MMP26: variants seen among roughly 807,000 people sequenced by gnomAD.
The protein encoded by MMP26 is matrix metallopeptidase 26.
A neutral mutation model predicts 31.0 loss-of-function variants in MMP26; 33 were observed. That is an observed-to-expected ratio of 1.06 (90% confidence interval 0.81 to 1.42). The LOEUF (loss-of-function observed/expected upper bound fraction) is 1.42. Among genes scored for constraint, MMP26 ranks in the 40% most tolerant of loss-of-function variants. The pLI is 0.00. For synonymous variants in MMP26, 122 were observed against 114.9 expected (o/e 1.06, Z -0.40); for missense variants, 347 against 316.1 (o/e 1.10, Z -0.74).
At chr11:4,796,824 C>A (rs562964377) in intron 2 of MMP26, among the ~76,000 whole-genome samples, 1 of 152,166 alleles carries the variant, frequency 6.6e-6, no homozygotes, top group Non-Finnish European at 1.5e-5. Flanking sequence ...AATCTCAGCC[C>A]TAATGTCCAG....
intron 2 of MMP26, chr11:4,821,184 G>A: frequency 1.9e-6 from 1 of 527,844 alleles, no homozygotes; most frequent in Non-Finnish European, 3.3e-6. Flanking sequence ...ATATACTTAA[G>A]AAAATTTGAT....
rs768491278 is a variant in MMP26 at position 4,991,373 on chromosome 11, C to T, written c.472C>T (p.His158Tyr). The change falls in exon 6 of 8, where the codon CAT (histidine) becomes TAT (tyrosine). Residue 158 changes from histidine (H) to tyrosine (Y), a missense_variant and splice_region_variant. Transcript: ENST00000380390. ...ATCATAGCTTCTGTCGTCCACAGCC[C>T]ATGAAGATGGTTGGCCCTTTGATGG... is the stretch of plus-strand genomic sequence containing the variant. ...DIKVSFWQWAHEDGWPFDGPG... is the reference protein window; with the variant it reads ...DIKVSFWQWAYEDGWPFDGPG... 2 of 1,612,654 alleles carry T rather than the reference C, an allele frequency of 1.2e-6. No homozygotes were observed. The highest frequency in any genetic ancestry group is 4.5e-5 in the East Asian group (2 of 44,846).
intron 2 of MMP26, among the ~76,000 whole-genome samples, chr11:4,853,974 T>C (rs1333934669): frequency 6.6e-6 from 1 of 152,258 alleles, no homozygotes; most frequent in Admixed American, 6.5e-5. Context: ...GTTGGTTTTG[T>C]ATTTCAACAT....
At chr11:4,880,843 T>C (rs886516812) in intron 2 of MMP26, among the ~76,000 whole-genome samples, 2 of 152,116 alleles carry the variant, frequency 1.3e-5, no homozygotes, top group African/African-American at 2.4e-5. Context: ...GGAAATATAA[T>C]TCAGTGTTAA....
chr11:4,731,052 C>T (rs905978045), intron 1 of MMP26, among the ~76,000 whole-genome samples: 4 of 152,166 alleles, frequency 2.6e-5, no homozygotes, highest in African/African-American at 9.7e-5. Flanking sequence ...TCAAGTGATT[C>T]TCCTGCCTCA....
chr11:4,814,228 G>A (rs7945484), intron 2 of MMP26, among the ~76,000 whole-genome samples: 60,783 of 151,872 alleles, frequency 0.4, 13,443 homozygotes, highest in South Asian at 0.56. Flanking sequence ...CCTTTTGAGC[G>A]AGCAATTTCA....
chr11:4,977,970 C>A (rs1846760661), intron 2 of MMP26, among the ~76,000 whole-genome samples: 1 of 151,944 alleles, frequency 6.6e-6, no homozygotes, highest in South Asian at 2.1e-4. Flanking sequence ...AGGGAAAGAC[C>A]TGGTGGGAGG....
chr11:4,795,862 G>A (rs1302816935), intron 2 of MMP26, among the ~76,000 whole-genome samples: 2 of 151,904 alleles, frequency 1.3e-5, no homozygotes, highest in Non-Finnish European at 2.9e-5. Context: ...GAGAGAGAGA[G>A]AGAGAGAGAC....
At chr11:4,963,843 G>C (rs1229369292) in intron 2 of MMP26, among the ~76,000 whole-genome samples, 1 of 152,108 alleles carries the variant, frequency 6.6e-6, no homozygotes. Context: ...TCGTGGTTTT[G>C]ATTTGCATTT....
At position 4,856,782 on chromosome 11, in the gene MMP26, C is replaced by A. The variant is rs190615516; in HGVS notation, c.-145+89441C>A. Among the ~76,000 whole-genome samples, 79 of 152,292 alleles carry A rather than the reference C, an allele frequency of 5.2e-4. 1 individual carries two copies. In the East Asian group the frequency reaches 0.014, roughly 27 times the overall value. On this transcript the variant is annotated intron_variant, in intron 2 of 7. Transcript: ENST00000380390. ...AACAGAATACACATTCTTCTCAGCA[C>A]CACGTCGCACTTATTCCAAAATTGA...
In MMP26 at chr11:4,704,961, C is replaced by G. The variant is rs1393694330; in HGVS notation, c.-301C>G. The G allele has an allele frequency of 6.6e-6, 1 of 152,148 alleles. No homozygotes were observed. Among genetic ancestry groups the G allele is most frequent in the Non-Finnish European group, 1.5e-5 (1 of 68,042 alleles). The allele number at this position is 152,148 out of a possible 1,614,324, so 9.4% of individuals were successfully genotyped here. On this transcript the variant is annotated 5_prime_UTR_variant, in exon 1 of 8. Coordinates refer to ENST00000380390, the MANE Select transcript of MMP26 (RefSeq NM_021801.5). The stretch of plus-strand genomic sequence containing the variant: ...CTCACTTGCTTTGCATTAATAGATT[C>G]TCTGCTGTGTGGGATGATCCTTCAA...
chr11:4,766,040 A>G (rs866164408), intron 1 of MMP26, among the ~76,000 whole-genome samples: 12 of 152,326 alleles, frequency 7.9e-5, no homozygotes, highest in African/African-American at 2.6e-4. Flanking sequence ...ATGTCCCTAC[A>G]TTGATGCATT....
At chr11:4,841,752 G>A (rs543980608) in intron 2 of MMP26, among the ~76,000 whole-genome samples, 1 of 152,256 alleles carries the variant, frequency 6.6e-6, no homozygotes, top group African/African-American at 2.4e-5. Flanking sequence ...GACCAACATG[G>A]AGAAACCCCG....
intron 2 of MMP26, among the ~76,000 whole-genome samples, chr11:4,982,856 G>A (rs1201333584): frequency 6.6e-6 from 1 of 152,056 alleles, no homozygotes; most frequent in African/African-American, 2.4e-5. Context: ...CTTTTTCCCA[G>A]CGTTCCTACA....
At chr11:4,777,775 C>A (rs1255257969) in intron 2 of MMP26, among the ~76,000 whole-genome samples, 1 of 151,928 alleles carries the variant, frequency 6.6e-6, no homozygotes, top group Non-Finnish European at 1.5e-5. Flanking sequence ...AGTTATAGTT[C>A]TTTGCTTTTT....
chr11:4,909,138 G>A (rs138044246), intron 2 of MMP26: 13 of 151,582 alleles, frequency 8.6e-5, no homozygotes, highest in African/African-American at 2.2e-4. Context: ...CTTTCCCTGC[G>A]CCTTAAAAAA....
intron 1 of MMP26, among the ~76,000 whole-genome samples, chr11:4,753,480 A>G (rs1321483039): frequency 1.3e-5 from 2 of 152,254 alleles, no homozygotes; most frequent in East Asian, 3.9e-4. Context: ...CAACTGGATT[A>G]TGAGAATAAG....
At chr11:4,790,300 G>A (rs558260257) in intron 2 of MMP26, among the ~76,000 whole-genome samples, 123 of 152,216 alleles carry the variant, frequency 8.1e-4, no homozygotes, top group Middle Eastern at 3.4e-3. Context: ...CCAAGATTGC[G>A]CCATTGCCAT....
intron 2 of MMP26, among the ~76,000 whole-genome samples, chr11:4,867,380 T>C (rs1053588234): frequency 1.0e-4 from 15 of 145,838 alleles, no homozygotes; most frequent in African/African-American, 3.8e-4. Flanking sequence ...CACAATGAGA[T>C]GCTGTCCTTT....
Sources: allele counts gnomAD v4.1 joint callset (sites outside exome capture counted in the v4.1 genomes callset), GRCh38; gene constraint gnomAD v4.1.1; transcripts MANE v1.5; gene names NCBI Gene and HGNC (gene_info 2026-07-23, HGNC 2026-07-21).